PLXNC1: variants seen among roughly 807,000 people sequenced by gnomAD.
PLXNC1 encodes the protein plexin C1.
In PLXNC1, 75 loss-of-function variants were observed where a neutral mutation model predicts 178.2. The observed-to-expected ratio is 0.42, with a 90% CI of 0.35 to 0.51. The LOEUF (loss-of-function observed/expected upper bound fraction) is 0.51, where lower values mean the gene tolerates loss of function less well. Among genes scored for constraint, PLXNC1 ranks in the 20% least tolerant of loss-of-function variants. The pLI is 0.02. For missense variants in PLXNC1, 1,503 were observed against 1,984.4 expected, an observed-to-expected ratio of 0.76 and a Z score of 4.61; for synonymous variants, 790 against 779.9, an observed-to-expected ratio of 1.01 and a Z score of -0.22.
At chr12:94,156,975 T>G (rs1353787361) in intron 1 of PLXNC1, among the ~76,000 whole-genome samples, 1 of 152,172 alleles carries the variant, frequency 6.6e-6, no homozygotes, top group Non-Finnish European at 1.5e-5. Flanking sequence ...GTGCTAAGAT[T>G]ATAGGCATAA....
At chr12:94,261,538 T>C (rs113601916) in intron 20 of PLXNC1, among the ~76,000 whole-genome samples, 7,947 of 152,268 alleles carry the variant, frequency 0.052, 701 homozygotes, top group African/African-American at 0.18. Flanking sequence ...TGCTTAGCCC[T>C]AAGGAAGCCT....
At chr12:94,174,744 G>A (rs1396656761) in intron 2 of PLXNC1, among the ~76,000 whole-genome samples, 1 of 152,162 alleles carries the variant, frequency 6.6e-6, no homozygotes, top group African/African-American at 2.4e-5. Context: ...GGTGGTGGTG[G>A]GGATGACTGA....
chr12:94,259,775 A>C, intron 19 of PLXNC1, 41 bp downstream of exon 19: 1 of 1,550,666 alleles, frequency 6.4e-7, no homozygotes, highest in Non-Finnish European at 8.7e-7. Flanking sequence ...CCTTTAAGAA[A>C]AAATCAGGCC....
intron 24 of PLXNC1, 32 bp downstream of exon 24, chr12:94,294,572 C>A: frequency 1.1e-6 from 1 of 949,622 alleles, no homozygotes; most frequent in Non-Finnish European, 1.7e-6. Context: ...ACCTTTTGTT[C>A]TCACCCAGCT....
Position 94,228,719 on chromosome 12 carries a change from G to T in PLXNC1, c.1980+1484G>T, listed in dbSNP as rs151102213. ...GTCCTCAAGGTTCATCTGTGTGGTC[G>T]CATGGGTCAGAATTCCCTTCTTTTC... On this transcript the variant is annotated intron_variant, in intron 9 of 30. Transcript: ENST00000258526. Among the ~76,000 whole-genome samples the T allele has an allele frequency of 6.1e-3, 924 of 152,180 alleles. 16 individuals are homozygous for T. The highest frequency in any genetic ancestry group is 0.021 in the African/African-American group (877 of 41,524).
chr12:94,209,582 T>C lies in PLXNC1; in HGVS notation c.1440-8T>C, dbSNP rs763397572. The C allele has an allele frequency of 6.3e-7, 1 of 1,579,568 alleles. No homozygotes were observed. The highest frequency in any genetic ancestry group is 1.7e-5 in the Admixed American group (1 of 59,754). Reference sequence around the variant, plus strand: ...TGGGGTCGCTGTTTTGTTGCCTCGTTTTTTTAGGTGCACTTTTCAAGGAGA... The same window carrying C: ...TGGGGTCGCTGTTTTGTTGCCTCGTCTTTTTAGGTGCACTTTTCAAGGAGA... On this transcript the variant is annotated splice_region_variant and splice_polypyrimidine_tract_variant and intron_variant, in intron 4 of 30. Coordinates refer to ENST00000258526, the MANE Select transcript of PLXNC1 (RefSeq NM_005761.3).
At chr12:94,278,843 C>T (rs781341002) in intron 21 of PLXNC1, among the ~76,000 whole-genome samples, 1 of 152,024 alleles carries the variant, frequency 6.6e-6, no homozygotes, top group Non-Finnish European at 1.5e-5. Context: ...TAAAAAAATA[C>T]AAAAATTAGC....
At chr12:94,211,951 TGGA>T (rs1467346789) in intron 5 of PLXNC1, among the ~76,000 whole-genome samples, 1 of 151,934 alleles carries the variant, frequency 6.6e-6, no homozygotes, top group Admixed American at 6.6e-5. Flanking sequence ...ACTGATGTGG[TGGA>T]GAAGGAAAGC....
chr12:94,249,386 C>G (rs1396158735), intron 14 of PLXNC1, among the ~76,000 whole-genome samples: 1 of 152,136 alleles, frequency 6.6e-6, no homozygotes, highest in Non-Finnish European at 1.5e-5. Flanking sequence ...GTGCGCACCA[C>G]CACACCTGGC....
rs552265322 is a variant in PLXNC1 at position 94,215,007 on chromosome 12, C to T, written c.1555-5009C>T. 1.5e-3 allele frequency among the ~76,000 whole-genome samples: 225 copies of T among 152,220 alleles called. 2 individuals carry two copies. Among genetic ancestry groups the T allele is most frequent in the African/African-American group, 5.2e-3 (215 of 41,528 alleles). On this transcript the variant is annotated intron_variant, in intron 5 of 30. Transcript: ENST00000258526. ...TGCCTCCCGGGTTCAAGCGATTCTC[C>T]TGCCTCAGCCTCCCGAGTAGCTGGG... is the stretch of plus-strand genomic sequence containing the variant.
chr12:94,203,892 G>T (rs1173415574), intron 4 of PLXNC1, among the ~76,000 whole-genome samples: 2 of 152,192 alleles, frequency 1.3e-5, no homozygotes, highest in African/African-American at 4.8e-5. Flanking sequence ...GGTCATGAGG[G>T]CTCTGCCTTT....
intron 4 of PLXNC1, among the ~76,000 whole-genome samples, chr12:94,193,619 G>C (rs1962804080): frequency 6.6e-6 from 1 of 152,168 alleles, no homozygotes; most frequent in South Asian, 2.1e-4. Flanking sequence ...CAGGCACTGG[G>C]CTAGGCACCA....
intron 9 of PLXNC1, among the ~76,000 whole-genome samples, chr12:94,235,977 G>A (rs1319863105): frequency 6.6e-6 from 1 of 152,172 alleles, no homozygotes. Context: ...CCACGTAAGA[G>A]CGAAGAGTAA....
chr12:94,284,492 G>T lies in PLXNC1; in HGVS notation c.3879+2091G>T, dbSNP rs138216533. ...ACAGTGAAAGGCATCTGAAAGGTTT[G>T]TTTCAGATGTTTTTCACTGTTCACC... On this transcript the variant is annotated intron_variant, in intron 23 of 30. Transcript: ENST00000258526. Among the ~76,000 whole-genome samples, 257 of 152,304 alleles carry T rather than the reference G, an allele frequency of 1.7e-3. 1 individual carries two copies. The highest frequency in any genetic ancestry group is 5.8e-3 in the African/African-American group (243 of 41,580).
rs369966639 is a variant in PLXNC1, at chr12:94,190,452, G to A, written c.1439+3979G>A. Among the ~76,000 whole-genome samples, 22 of 152,178 alleles carry A rather than the reference G, an allele frequency of 1.4e-4. No individual in the cohort carries two copies. The South Asian group carries it at 3.9e-3, about 27-fold the overall frequency. ...GACGGGGTTTCACCATGTTGCCCAGGCTGGTCTTGAACTCCTGGGCTCAAG... is the reference window on the plus strand; with the variant it reads ...GACGGGGTTTCACCATGTTGCCCAGACTGGTCTTGAACTCCTGGGCTCAAG... On this transcript the variant is annotated intron_variant, in intron 4 of 30. Coordinates refer to ENST00000258526, the MANE Select transcript of PLXNC1 (RefSeq NM_005761.3).
At chr12:94,249,444 G>A (rs1964617304) in intron 14 of PLXNC1, among the ~76,000 whole-genome samples, 1 of 152,100 alleles carries the variant, frequency 6.6e-6, no homozygotes, top group African/African-American at 2.4e-5. Context: ...GTGTTGGGCT[G>A]GCTGGTCCCA....
chr12:94,252,400 C>T (rs913765321), intron 15 of PLXNC1, among the ~76,000 whole-genome samples: 2 of 152,094 alleles, frequency 1.3e-5, no homozygotes, highest in Admixed American at 1.3e-4. Context: ...CACTGCATGC[C>T]AGCCTGGACA....
In PLXNC1 at chr12:94,307,151, T is replaced by C. The variant is rs1457242410; in HGVS notation, c.*1866T>C. 6.6e-6 allele frequency: 1 copy of C among 152,244 alleles called. No individual in the cohort carries two copies. The highest frequency in any genetic ancestry group is 2.4e-5 in the African/African-American group (1 of 41,462). 9.4% of individuals were successfully genotyped at this position (152,244 alleles called of 1,614,324 possible). A position where few individuals can be genotyped will look rare whatever the true frequency, so the allele number is the denominator to read the frequency against. On this transcript the variant is annotated 3_prime_UTR_variant, in exon 31 of 31. Coordinates refer to ENST00000258526, the MANE Select transcript of PLXNC1 (RefSeq NM_005761.3). ...TGTCCCTGTCCAGCTTTCTGGCACATGAGTCCTGTGTGGAGAGTTACCTCC... is the reference window on the plus strand; with the variant it reads ...TGTCCCTGTCCAGCTTTCTGGCACACGAGTCCTGTGTGGAGAGTTACCTCC...
intron 21 of PLXNC1, chr12:94,276,854 G>A (rs12813619): frequency 1.3e-5 from 2 of 152,164 alleles, no homozygotes; most frequent in Non-Finnish European, 2.9e-5. Flanking sequence ...GAACATAAAG[G>A]TTCTCTGAGA....
Sources: gnomAD v4.1 joint callset for allele counts (sites outside exome capture counted in the v4.1 genomes callset) on GRCh38, gnomAD v4.1.1 for gene constraint, MANE v1.5 for transcripts, NCBI Gene and HGNC (gene_info 2026-07-23, HGNC 2026-07-21) for gene names.